TLK1: variants seen among roughly 807,000 people sequenced by gnomAD.
The protein encoded by TLK1 is serine/threonine-protein kinase tousled-like 1.
Under a neutral mutation model 105.3 loss-of-function variants are expected in TLK1, and 24 were observed. The ratio of observed to expected loss-of-function variants is 0.23; its 90% CI spans 0.17 to 0.32. TLK1 has a LOEUF of 0.32. Ranked by LOEUF, TLK1 falls within the 10% of genes least tolerant of loss-of-function variation. TLK1 has a pLI of 1.00. For missense variants in TLK1, 558 were observed against 910.5 expected (o/e 0.61, Z 4.98); for synonymous variants, 321 against 310.4 (o/e 1.03, Z -0.36).
chr2:170,993,689 A>AAAAT lies in TLK1; in HGVS notation c.*90_*91insATTT. On this transcript the variant is annotated 3_prime_UTR_variant, in exon 21 of 21. Transcript: ENST00000431350. ...TGTGTAAAAAAAAAAAAAAAAAAAA[A>AAAAT]AGAAAAAGAAAACAAACACTCAAAT... 1.0e-6 allele frequency: 1 copy of AAAAT among 971,628 alleles called. No individual in the cohort carries two copies. The highest frequency in any genetic ancestry group is 1.4e-6 in the Non-Finnish European group (1 of 722,084). The allele number at this position is 971,628 out of a possible 1,614,324, so 60.2% of individuals were successfully genotyped here. A position where few individuals can be genotyped will look rare whatever the true frequency, so the allele number is the denominator to read the frequency against.
intron 1 of TLK1, among the ~76,000 whole-genome samples, chr2:171,174,763 T>C (rs1294836409): frequency 6.6e-6 from 1 of 152,198 alleles, no homozygotes; most frequent in African/African-American, 2.4e-5. Flanking sequence ...GTTCACACAA[T>C]AGTCTTTTGG....
chr2:171,117,103 T>A (rs1022773492), intron 2 of TLK1, among the ~76,000 whole-genome samples: 1 of 152,028 alleles, frequency 6.6e-6, no homozygotes, highest in Non-Finnish European at 1.5e-5. Flanking sequence ...AATTTTTCCA[T>A]GAAAAAAGAG....
At chr2:171,138,867 TAC>T (rs2105572543) in intron 1 of TLK1, among the ~76,000 whole-genome samples, 1 of 152,314 alleles carries the variant, frequency 6.6e-6, no homozygotes, top group East Asian at 1.9e-4. Context: ...TTACAACTCG[TAC>T]AATACAGTAA....
chr2:171,170,142 A>G (rs553193251), intron 1 of TLK1, among the ~76,000 whole-genome samples: 15 of 152,348 alleles, frequency 9.8e-5, no homozygotes, highest in African/African-American at 2.6e-4. Flanking sequence ...TGTGTTAAAA[A>G]TTAAAATCCA....
chr2:171,146,802 T>C (rs897072060), intron 1 of TLK1, among the ~76,000 whole-genome samples: 1 of 152,204 alleles, frequency 6.6e-6, no homozygotes, highest in Admixed American at 6.5e-5. Flanking sequence ...CCACTTCTCC[T>C]TTTTAGAAAA....
At chr2:171,143,135 G>A (rs1437639096) in intron 1 of TLK1, among the ~76,000 whole-genome samples, 2 of 152,222 alleles carry the variant, frequency 1.3e-5, no homozygotes, top group Non-Finnish European at 2.9e-5. Flanking sequence ...GGACAAAGGG[G>A]TCAGTAGTGA....
At chr2:171,050,297 G>T in intron 8 of TLK1, 123 bp from the exon 9 acceptor site, 1 of 566,838 alleles carries the variant, frequency 1.8e-6, no homozygotes, top group Non-Finnish European at 2.8e-6. Context: ...ATCTGAGTAT[G>T]ATACGAGAAA....
intron 3 of TLK1, among the ~76,000 whole-genome samples, chr2:171,068,285 C>T (rs548386732): frequency 1.4e-3 from 218 of 152,076 alleles, no homozygotes; most frequent in Non-Finnish European, 2.5e-3. Flanking sequence ...GCCAAGATCG[C>T]GCCATTGCAC....
rs1408928791 is a variant in TLK1, at chr2:170,993,688, A to G, written c.*92T>C. The G allele has an allele frequency of 2.1e-6, 2 of 973,610 alleles. No individual in the cohort carries two copies. The highest frequency in any genetic ancestry group is 2.8e-6 in the Non-Finnish European group (2 of 724,056). 60.3% of individuals were successfully genotyped at this position (973,610 alleles called of 1,614,324 possible). A position where few individuals can be genotyped will look rare whatever the true frequency, so the allele number is the denominator to read the frequency against. ...TTGTGTAAAAAAAAAAAAAAAAAAA[A>G]AAGAAAAAGAAAACAAACACTCAAA... On this transcript the variant is annotated 3_prime_UTR_variant, in exon 21 of 21. Transcript: ENST00000431350.
intron 1 of TLK1, among the ~76,000 whole-genome samples, chr2:171,139,972 G>A (rs1255960533): frequency 6.6e-6 from 1 of 152,192 alleles, no homozygotes; most frequent in East Asian, 1.9e-4. Context: ...AGAATCTAAT[G>A]CCACGGATGA....
At chr2:171,060,048 G>A (rs1348632141) in intron 4 of TLK1, 3 of 1,599,092 alleles carry the variant, frequency 1.9e-6, no homozygotes, top group Non-Finnish European at 2.6e-6. Flanking sequence ...CCAAAGGAAG[G>A]GGGGAAAAAA....
At chr2:171,014,523 T>C (rs1685080558) in intron 13 of TLK1, among the ~76,000 whole-genome samples, 1 of 152,124 alleles carries the variant, frequency 6.6e-6, no homozygotes, top group Non-Finnish European at 1.5e-5. Flanking sequence ...TTAAATAGGA[T>C]GATCTAAGAA....
chr2:171,050,295 A>G, intron 8 of TLK1, 121 bp from the exon 9 acceptor site: 1 of 599,774 alleles, frequency 1.7e-6, no homozygotes, highest in Admixed American at 3.7e-5. Context: ...ATATCTGAGT[A>G]TGATACGAGA....
intron 1 of TLK1, among the ~76,000 whole-genome samples, chr2:171,212,115 C>T (rs1427318619): frequency 6.6e-6 from 1 of 152,154 alleles, no homozygotes; most frequent in Admixed American, 6.5e-5. Flanking sequence ...GCTGGGATTA[C>T]AGGCGTGAGC....
chr2:171,071,666 G>A (rs1688263300), intron 3 of TLK1, among the ~76,000 whole-genome samples: 1 of 152,154 alleles, frequency 6.6e-6, no homozygotes, highest in Non-Finnish European at 1.5e-5. Flanking sequence ...CAATGTCCTG[G>A]AGAGTTTCCC....
At chr2:171,046,822 C>T (rs1488097687) in intron 10 of TLK1, among the ~76,000 whole-genome samples, 2 of 152,020 alleles carry the variant, frequency 1.3e-5, no homozygotes, top group African/African-American at 4.8e-5. Flanking sequence ...AACAATACCC[C>T]AAACTATTAA....
At chr2:171,187,997 A>G (rs185859344) in intron 1 of TLK1, among the ~76,000 whole-genome samples, 1 of 152,308 alleles carries the variant, frequency 6.6e-6, no homozygotes, top group East Asian at 1.9e-4. Context: ...TGAATTACAA[A>G]GTCATGGGAG....
At chr2:171,007,306 T>C (rs1684692355) in intron 14 of TLK1, among the ~76,000 whole-genome samples, 1 of 152,028 alleles carries the variant, frequency 6.6e-6, no homozygotes, top group South Asian at 2.1e-4. Context: ...ATTTTATAAA[T>C]GCCAATATAC....
intron 1 of TLK1, among the ~76,000 whole-genome samples, chr2:171,157,724 T>C (rs1692293702): frequency 6.6e-6 from 1 of 152,194 alleles, no homozygotes; most frequent in African/African-American, 2.4e-5. Flanking sequence ...TAAGTAACTT[T>C]TACAGATGCT....
Sources: gnomAD v4.1 joint callset for allele counts (sites outside exome capture counted in the v4.1 genomes callset) on GRCh38, gnomAD v4.1.1 for gene constraint, MANE v1.5 for transcripts, NCBI Gene and HGNC (gene_info 2026-07-23, HGNC 2026-07-21) for gene names.